The following RBFOX1 variants were observed in gnomAD, a reference collection of about 807,000 sequenced individuals.
RBFOX1 encodes the protein RNA binding protein fox-1 homolog 1.
Under a neutral mutation model 57.7 loss-of-function variants are expected in RBFOX1, and 8 were observed. The observed-to-expected ratio is 0.14, with a 90% CI of 0.08 to 0.25. The LOEUF is 0.25. RBFOX1 is among the 10% of genes least tolerant of loss of function. RBFOX1 has a pLI of 1.00. For missense variants in RBFOX1, 611 were observed against 548.5 expected, an observed-to-expected ratio of 1.11 and a Z score of -1.14; for synonymous variants, 326 against 222.4, an observed-to-expected ratio of 1.47 and a Z score of -4.15.
At chr16:7,568,827 C>T (rs2092429085) in intron 5 of RBFOX1, among the ~76,000 whole-genome samples, 1 of 127,242 alleles carries the variant, frequency 7.9e-6, no homozygotes, top group Non-Finnish European at 1.6e-5. Context: ...GCGGAGCTTA[C>T]AGTGAGCTGA....
At chr16:5,528,891 C>G (rs1318718319) in intron 2 of RBFOX1, among the ~76,000 whole-genome samples, 1 of 152,090 alleles carries the variant, frequency 6.6e-6, no homozygotes, top group Non-Finnish European at 1.5e-5. Context: ...CTCAAGTGAT[C>G]CATCTGCTTC....
At chr16:7,244,944 G>C (rs1257103381) in intron 4 of RBFOX1, among the ~76,000 whole-genome samples, 3 of 152,226 alleles carry the variant, frequency 2.0e-5, no homozygotes, top group African/African-American at 7.2e-5. Flanking sequence ...AGGCACAGTA[G>C]GGAGCAGTGG....
intron 10 of RBFOX1, among the ~76,000 whole-genome samples, chr16:7,619,825 A>G (rs2059032953): frequency 6.6e-6 from 1 of 152,180 alleles, no homozygotes; most frequent in Non-Finnish European, 1.5e-5. Context: ...AAGCTATGAC[A>G]TAAATAAGTG....
At chr16:6,070,825 C>A (rs1027929246) in intron 1 of RBFOX1, among the ~76,000 whole-genome samples, 1 of 151,588 alleles carries the variant, frequency 6.6e-6, no homozygotes, top group Admixed American at 6.6e-5. Context: ...TCGCCCCCCC[C>A]ACACACACAT....
At chr16:7,361,508 G>A (rs915035243) in intron 4 of RBFOX1, among the ~76,000 whole-genome samples, 4 of 152,200 alleles carry the variant, frequency 2.6e-5, no homozygotes, top group Non-Finnish European at 1.5e-5. Flanking sequence ...GTGAAATGGA[G>A]TAAATCCAGG....
At chr16:5,761,040 G>A (rs185634605) in intron 3 of RBFOX1, among the ~76,000 whole-genome samples, 2 of 152,190 alleles carry the variant, frequency 1.3e-5, no homozygotes, top group Non-Finnish European at 2.9e-5. Context: ...TAGGATGGTG[G>A]CCAGTAGAAG....
At chr16:6,200,210 A>G (rs542418545) in intron 1 of RBFOX1, among the ~76,000 whole-genome samples, 346 of 152,320 alleles carry the variant, frequency 2.3e-3, no homozygotes, top group Non-Finnish European at 4.3e-3. Context: ...GAATACAACT[A>G]TTAATATCAG....
chr16:6,537,949 G>T (rs1424423749), intron 2 of RBFOX1, among the ~76,000 whole-genome samples: 2 of 151,780 alleles, frequency 1.3e-5, no homozygotes, highest in East Asian at 3.9e-4. Context: ...TAATAAAAAG[G>T]ATATCCTAGG....
At chr16:5,523,114 C>T (rs2044085946) in intron 2 of RBFOX1, among the ~76,000 whole-genome samples, 1 of 152,140 alleles carries the variant, frequency 6.6e-6, no homozygotes, top group African/African-American at 2.4e-5. Context: ...GGTGCAATCC[C>T]ATGTCTACTG....
intron 2 of RBFOX1, among the ~76,000 whole-genome samples, chr16:6,339,016 G>T (rs2084154093): frequency 6.6e-6 from 1 of 152,166 alleles, no homozygotes. Context: ...GCCTGGGGCA[G>T]ACTTAGACAA....
At chr16:7,566,901 G>A (rs1284082258) in intron 5 of RBFOX1, among the ~76,000 whole-genome samples, 3 of 151,834 alleles carry the variant, frequency 2.0e-5, no homozygotes, top group African/African-American at 7.3e-5. Context: ...CCAAAAGGTG[G>A]TCCACAGTTT....
intron 2 of RBFOX1, among the ~76,000 whole-genome samples, chr16:6,636,433 G>A (rs530758350): frequency 6.6e-6 from 1 of 152,190 alleles, no homozygotes; most frequent in African/African-American, 2.4e-5. Context: ...GCCTCCCAAA[G>A]TGCTGGGATT....
chr16:6,327,095 A>G (rs938045806), intron 2 of RBFOX1, among the ~76,000 whole-genome samples: 34 of 152,290 alleles, frequency 2.2e-4, no homozygotes, highest in African/African-American at 7.5e-4. Flanking sequence ...ACCACTGTCC[A>G]CAAGCCACTG....
At chr16:6,637,098 T>C (rs1342050117) in intron 2 of RBFOX1, among the ~76,000 whole-genome samples, 1 of 35,506 alleles carries the variant, frequency 2.8e-5, no homozygotes, top group African/African-American at 6.5e-5. Context: ...ACATATTAAA[T>C]ATATATATTA....
At chr16:5,718,201 C>T (rs1274058098) in intron 3 of RBFOX1, among the ~76,000 whole-genome samples, 1 of 152,208 alleles carries the variant, frequency 6.6e-6, no homozygotes, top group Non-Finnish European at 1.5e-5. Flanking sequence ...TTGTGCTCAA[C>T]AGATTCAGTC....
At chr16:6,983,178 AC>A (rs1443672315) in intron 3 of RBFOX1, among the ~76,000 whole-genome samples, 2 of 151,696 alleles carry the variant, frequency 1.3e-5, no homozygotes, top group African/African-American at 4.8e-5. Flanking sequence ...CCAAGCCTCT[AC>A]CCTTTCCTTG....
intron 2 of RBFOX1, among the ~76,000 whole-genome samples, chr16:5,594,511 A>T (rs544650529): frequency 3.9e-5 from 6 of 152,238 alleles, no homozygotes; most frequent in Non-Finnish European, 5.9e-5. Context: ...TGCATATGCA[A>T]GGTGAACATT....
intron 1 of RBFOX1, among the ~76,000 whole-genome samples, chr16:6,114,422 C>G (rs1428807371): frequency 6.6e-6 from 1 of 152,194 alleles, no homozygotes; most frequent in Admixed American, 6.5e-5. Context: ...GCATGAGCAT[C>G]ACCTTTTTGT....
At chr16:6,999,290 C>G (rs919586435) in intron 3 of RBFOX1, among the ~76,000 whole-genome samples, 3 of 145,554 alleles carry the variant, frequency 2.1e-5, no homozygotes, top group Admixed American at 7.0e-5. Context: ...CTCCTGGGTT[C>G]AAGCGGTCCA....
Sources: gnomAD v4.1 joint callset for allele counts (sites outside exome capture counted in the v4.1 genomes callset) on GRCh38, gnomAD v4.1.1 for gene constraint, MANE v1.5 for transcripts, NCBI Gene and HGNC (gene_info 2026-07-23, HGNC 2026-07-21) for gene names.